Variants in ALPK2 observed in about 807,000 individuals in gnomAD.
ALPK2 encodes the protein alpha-protein kinase 2.
Under a neutral mutation model 163.1 loss-of-function variants are expected in ALPK2, and 127 were observed. The observed-to-expected ratio is 0.78, with a 90% confidence interval of 0.67 to 0.90. The LOEUF (loss-of-function observed/expected upper bound fraction) is 0.90, where lower values mean the gene tolerates loss of function less well. ALPK2 is among the 40% of genes least tolerant of loss of function. ALPK2 has a pLI of 0.00. For synonymous variants in ALPK2, 953 were observed against 959.1 expected, an observed-to-expected ratio of 0.99 and a Z score of 0.12; for missense variants, 2,360 against 2,589.6, an observed-to-expected ratio of 0.91 and a Z score of 1.92.
At chr18:58,564,120 G>GTTTTTTTTTT (rs1555672429) in intron 4 of ALPK2, among the ~76,000 whole-genome samples, 7 of 42,850 alleles carry the variant, frequency 1.6e-4, no homozygotes, top group South Asian at 1.2e-3. Context: ...TGATGTCTTT[G>GTTTTTTTTTT]TTCTTTTTTT....
At chr18:58,593,010 C>T (rs1236661987) in intron 3 of ALPK2, among the ~76,000 whole-genome samples, 1 of 152,196 alleles carries the variant, frequency 6.6e-6, no homozygotes, top group Middle Eastern at 3.4e-3. Flanking sequence ...ATACCAGGGC[C>T]GGAGGATTTT....
intron 9 of ALPK2, 58 bp downstream of exon 9, chr18:58,516,850 G>A (rs2051524026): frequency 7.0e-6 from 11 of 1,563,488 alleles, no homozygotes; most frequent in Admixed American, 3.4e-5. Flanking sequence ...TTTTCATCTC[G>A]TCTTATCATG....
Position 58,563,576 on chromosome 18 carries a change from A to G in ALPK2, c.1962+15238T>C, listed in dbSNP as rs2051835842. On this transcript the variant is annotated intron_variant, in intron 4 of 12. Coordinates refer to ENST00000361673, the MANE Select transcript of ALPK2 (RefSeq NM_052947.4). ...GCCAATAAACAAATGGTGTGACCACAGGCAAAGAGATTACTCTTTCTCTCA... is the reference window on the plus strand; with the variant it reads ...GCCAATAAACAAATGGTGTGACCACGGGCAAAGAGATTACTCTTTCTCTCA... 2.6e-5 allele frequency among the ~76,000 whole-genome samples: 4 copies of G among 152,258 alleles called. No individual in the cohort carries two copies. The South Asian group carries it at 8.3e-4, about 31-fold the overall frequency.
chr18:58,501,545 A>G (rs1472781146), intron 11 of ALPK2, among the ~76,000 whole-genome samples: 1 of 152,234 alleles, frequency 6.6e-6, no homozygotes, highest in Non-Finnish European at 1.5e-5. Flanking sequence ...TACACATACC[A>G]GAGCCCTCTA....
intron 4 of ALPK2, among the ~76,000 whole-genome samples, chr18:58,576,128 C>G (rs1308213555): frequency 6.6e-6 from 1 of 152,164 alleles, no homozygotes; most frequent in Non-Finnish European, 1.5e-5. Flanking sequence ...AATCCCAGCA[C>G]TTTGGGAGGC....
chr18:58,605,329 C>T (rs2052092451), intron 3 of ALPK2, among the ~76,000 whole-genome samples: 1 of 152,234 alleles, frequency 6.6e-6, no homozygotes, highest in Non-Finnish European at 1.5e-5. Context: ...AAAATACTTA[C>T]TATCTGGCCC....
chr18:58,538,421 T>C (rs1568079405), intron 4 of ALPK2, 197 bp from the exon 5 acceptor site: 2 of 537,874 alleles, frequency 3.7e-6, no homozygotes, highest in Non-Finnish European at 6.4e-6. Context: ...CAACTCTGTG[T>C]TCCAGGGGGC....
At chr18:58,567,671 C>T (rs1025088276) in intron 4 of ALPK2, among the ~76,000 whole-genome samples, 5 of 152,120 alleles carry the variant, frequency 3.3e-5, no homozygotes, top group Admixed American at 2.6e-4. Context: ...TTGGTTCATA[C>T]GCAGTTTTTC....
At chr18:58,607,819 A>T (rs79051601) in intron 2 of ALPK2, among the ~76,000 whole-genome samples, 2,870 of 152,346 alleles carry the variant, frequency 0.019, 81 homozygotes, top group African/African-American at 0.063. Context: ...CTTGGGTCAT[A>T]TACTTTGTTT....
intron 3 of ALPK2, among the ~76,000 whole-genome samples, chr18:58,582,636 G>A (rs28500538): frequency 6.6e-6 from 1 of 152,038 alleles, no homozygotes; most frequent in East Asian, 1.9e-4. Flanking sequence ...CATGGCTGGG[G>A]CACATCCTCA....
chr18:58,569,617 C>G (rs568407611), intron 4 of ALPK2, among the ~76,000 whole-genome samples: 1 of 152,188 alleles, frequency 6.6e-6, no homozygotes, highest in South Asian at 2.1e-4. Flanking sequence ...GCACTAATGA[C>G]TCTTTATTGA....
chr18:58,529,181 A>G lies in ALPK2; in HGVS notation c.5411T>C (p.Val1804Ala). Residue 1804 changes from valine to alanine, a missense_variant, in exon 6 of 13, where the codon GTA becomes GCA. Physicochemically the swap from Val to Ala is moderately conservative, Grantham distance 64 (BLOSUM62 0). Transcript: ENST00000361673. ...TTCTGCAAATTGGCAGCTTAATTTT[A>G]CATTTCCAGAGTGTTCAGGGAACAT... The part of the protein sequence containing the change: ...AEMFPEHSGN[V>A]KLSCQFAEIH... 1 of 1,614,070 alleles carries G rather than the reference A, an allele frequency of 6.2e-7. No homozygotes were observed. The highest frequency in any genetic ancestry group is 8.5e-7 in the Non-Finnish European group (1 of 1,179,942).
In ALPK2 at chr18:58,531,931, G is replaced by A. The variant is rs866847595; in HGVS notation, c.5354-2693C>T. The stretch of plus-strand genomic sequence containing the variant: ...CAGCCTAGTGACAGAGCAAGGCTCC[G>A]TCTCAAAAAAAAAAAAAAAAAAAAA... On this transcript the variant is annotated intron_variant, in intron 5 of 12. Transcript: ENST00000361673. Among the ~76,000 whole-genome samples the A allele has an allele frequency of 8.3e-3, 317 of 38,180 alleles. 1 individual carries two copies. The highest frequency in any genetic ancestry group is 0.03 in the African/African-American group (293 of 9,646). The allele number at this position is 38,180 out of a possible 152,430, so 25.0% of individuals were successfully genotyped here.
At position 58,535,228 on chromosome 18, in the gene ALPK2, C is replaced by T. The variant is rs375640634; in HGVS notation, c.4959G>A (p.Leu1653=). Residue 1653 remains leucine, a synonymous_variant, in exon 5 of 13, where the codon TTG becomes TTA. Coordinates refer to ENST00000361673, the MANE Select transcript of ALPK2 (RefSeq NM_052947.4). ...PSSSSSSAKT[L]AFISGERELE... is the part of the protein sequence containing the mutation. ...ACTCACGTTCTCCTGAAATAAATGC[C>T]AAGGTCTTCGCTGAGGAGCTAGATG... The T allele has an allele frequency of 9.9e-6, 16 of 1,614,020 alleles. No homozygotes were observed. In the African/African-American group the frequency reaches 1.7e-4, roughly 18 times the overall value.
At position 58,624,557 on chromosome 18, in the gene ALPK2, C is replaced by T. The variant is rs561255579; in HGVS notation, c.-21+4207G>A. Among the ~76,000 whole-genome samples, 33 of 152,014 alleles carry T rather than the reference C, an allele frequency of 2.2e-4. No individual in the cohort carries two copies. In the South Asian group the frequency reaches 3.3e-3, roughly 15 times the overall value. Reference sequence around the variant, plus strand: ...GCAACCTCTGCCTCCCGGGTTCAAGCGATTCTCCTGCCTCAGCCTCTCAAG... The same window carrying T: ...GCAACCTCTGCCTCCCGGGTTCAAGTGATTCTCCTGCCTCAGCCTCTCAAG... On this transcript the variant is annotated intron_variant, in intron 1 of 12. Transcript: ENST00000361673.
intron 1 of ALPK2, among the ~76,000 whole-genome samples, chr18:58,623,123 G>A (rs1207147738): frequency 6.6e-6 from 1 of 152,004 alleles, no homozygotes; most frequent in Non-Finnish European, 1.5e-5. Flanking sequence ...GGGAAGTTTC[G>A]CAGGAGAGTG....
intron 4 of ALPK2, among the ~76,000 whole-genome samples, chr18:58,563,502 T>C (rs2051835487): frequency 6.6e-6 from 1 of 152,150 alleles, no homozygotes; most frequent in Admixed American, 6.5e-5. Context: ...TGGTGTGAGG[T>C]ATAAGGGCAT....
chr18:58,522,130 C>T (rs754805657), intron 8 of ALPK2, among the ~76,000 whole-genome samples: 1 of 152,124 alleles, frequency 6.6e-6, no homozygotes, highest in Non-Finnish European at 1.5e-5. Flanking sequence ...TAAAACTGAC[C>T]GTGGATCCTC....
At position 58,543,461 on chromosome 18, in the gene ALPK2, C is replaced by T. The variant is rs1049186367; in HGVS notation, c.1963-5237G>A. On this transcript the variant is annotated intron_variant, in intron 4 of 12. Transcript: ENST00000361673. ...GAGGCTTTAAGAGCTGGGGGCCATG[C>T]GGGGCTCTGGGTTCCAAAGAGAGAG... 24 of 940,478 alleles carry T rather than the reference C, an allele frequency of 2.6e-5. No homozygotes were observed. In the Admixed American group the frequency reaches 5.5e-4, roughly 22 times the overall value. 58.3% of individuals were successfully genotyped at this position (940,478 alleles called of 1,614,324 possible).
Sources: allele counts gnomAD v4.1 joint callset (sites outside exome capture counted in the v4.1 genomes callset), GRCh38; gene constraint gnomAD v4.1.1; transcripts MANE v1.5; gene names NCBI Gene and HGNC (gene_info 2026-07-23, HGNC 2026-07-21).